ZNF676: variants seen among roughly 807,000 people sequenced by gnomAD.
ZNF676 encodes zinc finger protein 676.
Under a neutral mutation model 6.0 loss-of-function variants are expected in ZNF676, and 4 were observed. That is an observed-to-expected ratio of 0.67 (90% CI 0.33 to 1.53). The LOEUF (loss-of-function observed/expected upper bound fraction) is 1.53. ZNF676 is among the 40% of genes most tolerant of loss of function. The pLI, the probability that ZNF676 is intolerant of heterozygous loss-of-function variation, is 0.06. For missense variants in ZNF676, 644 were observed against 679.7 expected (o/e 0.95, Z 0.58); for synonymous variants, 198 against 223.1 (o/e 0.89, Z 1.00).
chr19:22,198,677 G>C (rs925381080), upstream of ZNF676, among the ~76,000 whole-genome samples: 6 of 152,108 alleles, frequency 3.9e-5, no homozygotes, highest in Non-Finnish European at 8.8e-5. Flanking sequence ...GAAGAACCAA[G>C]ACAGAAAAAC....
chr19:22,231,266 T>C, the ZNF676 span, among the ~76,000 whole-genome samples: 1 of 151,138 alleles, frequency 6.6e-6, no homozygotes, highest in African/African-American at 2.4e-5. Flanking sequence ...AGCATATCAG[T>C]ACAAAAATCA....
chr19:22,181,066 T>C lies in ZNF676; in HGVS notation c.651A>G (p.Val217=), dbSNP rs745695211. ...TGTAGGGTTTCTCTCCAGTATGAAT[T>C]ACCTTATGTTTAGTAAGGATTGAGA... The part of the protein sequence containing the change: ...SKFSILTKHK[V]IHTGEKPYKC... Residue 217 remains valine (V), a synonymous_variant, in exon 3 of 3, where the codon GTA becomes GTG. Coordinates refer to ENST00000397121, the MANE Select transcript of ZNF676 (RefSeq NM_001001411.3). 5 of 1,573,208 alleles carry C rather than the reference T, an allele frequency of 3.2e-6. No individual in the cohort carries two copies. The East Asian group carries it at 9.4e-5, about 29-fold the overall frequency.
chr19:22,219,890 A>G (rs2024230368), upstream of ZNF676, among the ~76,000 whole-genome samples: 1 of 151,960 alleles, frequency 6.6e-6, no homozygotes, highest in African/African-American at 2.4e-5. Flanking sequence ...CCTGACCTCA[A>G]GTGATCTGCC....
chr19:22,226,487 T>A, the ZNF676 span, among the ~76,000 whole-genome samples: 1 of 152,128 alleles, frequency 6.6e-6, no homozygotes, highest in South Asian at 2.1e-4. Context: ...TAGGTTGTAC[T>A]GACATCTTAA....
chr19:22,236,204 C>A, the ZNF676 span, among the ~76,000 whole-genome samples: 1 of 151,970 alleles, frequency 6.6e-6, no homozygotes, highest in Non-Finnish European at 1.5e-5. Context: ...TTTTCCCACC[C>A]TAATAGCCCT....
Position 22,179,644 on chromosome 19 carries a change from TTA to T in ZNF676, c.*304_*305del, listed in dbSNP as rs2023698557. On this transcript the variant is annotated 3_prime_UTR_variant, in exon 3 of 3. Transcript: ENST00000397121. Reference sequence around the variant, plus strand: ...GGCTTTTCCTCCAGTATGAATTCTTTTATGAGTAGTAAGGTGTGAGGAACAGT... The same window carrying T: ...GGCTTTTCCTCCAGTATGAATTCTTTTGAGTAGTAAGGTGTGAGGAACAGT... 1.7e-6 allele frequency: 1 copy of T among 575,752 alleles called. No individual in the cohort carries two copies. The highest frequency in any genetic ancestry group is 2.8e-5 in the Admixed American group (1 of 35,308). The allele number at this position is 575,752 out of a possible 1,614,324, so 35.7% of individuals were successfully genotyped here. A position where few individuals can be genotyped will look rare whatever the true frequency, so the allele number is the denominator to read the frequency against.
chr19:22,244,633 C>T, the ZNF676 span: 1 of 152,306 alleles, frequency 6.6e-6, no homozygotes, highest in African/African-American at 2.4e-5. Context: ...TGATATTTTA[C>T]AATGCTCCCT....
At chr19:22,189,542 C>T (rs906252656) in intron 2 of ZNF676, among the ~76,000 whole-genome samples, 2 of 152,042 alleles carry the variant, frequency 1.3e-5, no homozygotes, top group Non-Finnish European at 2.9e-5. Context: ...AACTAAAGAG[C>T]TTCTACACAG....
At chr19:22,198,661 C>T (rs1350294085), upstream of ZNF676, among the ~76,000 whole-genome samples, 1 of 152,188 alleles carries the variant, frequency 6.6e-6, no homozygotes, top group African/African-American at 2.4e-5. Flanking sequence ...ACCACATCCA[C>T]AGGCAGAAGA....
chr19:22,259,720 C>G, the ZNF676 span: 1 of 152,244 alleles, frequency 6.6e-6, no homozygotes, highest in East Asian at 1.9e-4. Context: ...TCAGGGACCA[C>G]GCAGAAGACT....
At chr19:22,225,455 T>C in the ZNF676 span, among the ~76,000 whole-genome samples, 2 of 151,910 alleles carry the variant, frequency 1.3e-5, no homozygotes, top group Non-Finnish European at 2.9e-5. Context: ...TTGCATACTT[T>C]GGAAATCAAT....
At chr19:22,256,850 A>G in the ZNF676 span, among the ~76,000 whole-genome samples, 14 of 152,248 alleles carry the variant, frequency 9.2e-5, no homozygotes, top group Non-Finnish European at 1.9e-4. Flanking sequence ...GAACCCACGC[A>G]TAAGAGTCAC....
the ZNF676 span, among the ~76,000 whole-genome samples, chr19:22,259,147 C>T: frequency 7.2e-5 from 11 of 152,170 alleles, no homozygotes; most frequent in Non-Finnish European, 1.3e-4. Flanking sequence ...AGAACAGTAA[C>T]ATCTCCTAGG....
At chr19:22,202,550 T>C (rs538771942) in intron 1 of ZNF676, among the ~76,000 whole-genome samples, 3 of 152,302 alleles carry the variant, frequency 2.0e-5, no homozygotes, top group Admixed American at 6.5e-5. Context: ...GAAAATACAG[T>C]TAGAAGCAAA....
chr19:22,216,173 G>A (rs1435462666), upstream of ZNF676, among the ~76,000 whole-genome samples: 1 of 152,188 alleles, frequency 6.6e-6, no homozygotes, highest in Admixed American at 6.5e-5. Context: ...AGTGGCTTAC[G>A]CCTTTAATCC....
the ZNF676 span, among the ~76,000 whole-genome samples, chr19:22,260,193 C>T: frequency 1.3e-5 from 2 of 152,132 alleles, no homozygotes; most frequent in Non-Finnish European, 2.9e-5. Context: ...CTGAGCCCAA[C>T]CCCTGCCCAG....
In ZNF676 at chr19:22,180,910, A is replaced by G. The variant is rs1369137422; in HGVS notation, c.807T>C (p.Asn269=). The G allele has an allele frequency of 2.1e-6, 2 of 956,516 alleles. No homozygotes were observed. Among genetic ancestry groups the G allele is most frequent in the Non-Finnish European group, 2.6e-6 (2 of 763,256 alleles). The allele number at this position is 956,516 out of a possible 1,614,324, so 59.3% of individuals were successfully genotyped here. ...GKGFSSVSTL[N]THKAIHAEEK... Reference sequence around the variant, plus strand: ...CTTCAGCATGAATTGCCTTATGTGTATTAAGGGTTGAGACGCTACTAAATC... The same window carrying G: ...CTTCAGCATGAATTGCCTTATGTGTGTTAAGGGTTGAGACGCTACTAAATC... Residue 269 remains asparagine, a synonymous_variant, in exon 3 of 3, where the codon AAT becomes AAC. Coordinates refer to ENST00000397121, the MANE Select transcript of ZNF676 (RefSeq NM_001001411.3).
At chr19:22,239,034 A>T in the ZNF676 span, among the ~76,000 whole-genome samples, 2 of 152,224 alleles carry the variant, frequency 1.3e-5, no homozygotes, top group South Asian at 4.2e-4. Context: ...TCACGTTGAC[A>T]CACAGTATTA....
the ZNF676 span, among the ~76,000 whole-genome samples, chr19:22,236,676 C>T: frequency 1.3e-5 from 2 of 152,254 alleles, no homozygotes; most frequent in African/African-American, 2.4e-5. Context: ...GATTGAGGGG[C>T]CATGATTCTC....
Sources: allele counts gnomAD v4.1 joint callset (sites outside exome capture counted in the v4.1 genomes callset), GRCh38; gene constraint gnomAD v4.1.1; transcripts MANE v1.5; gene names NCBI Gene and HGNC (gene_info 2026-07-23, HGNC 2026-07-21).